The following RGS6 variants were observed in gnomAD, a reference collection of about 807,000 sequenced individuals.
The protein encoded by RGS6 is regulator of G protein signaling 6, also known as regulator of G-protein signaling 6.
RGS6 carries 30 observed loss-of-function variants against 78.5 expected under a neutral mutation model. That is an observed-to-expected ratio of 0.38 (90% CI 0.29 to 0.52). The LOEUF (loss-of-function observed/expected upper bound fraction) is 0.52, where lower values mean the gene tolerates loss of function less well. Among genes scored for constraint, RGS6 ranks in the 20% least tolerant of loss-of-function variants. The pLI is 0.85. For synonymous variants in RGS6, 206 were observed against 206.0 expected (o/e 1.00, Z 0.00); for missense variants, 495 against 609.7 (o/e 0.81, Z 1.98).
At chr14:72,504,219 T>C (rs2096767006) in intron 13 of RGS6, among the ~76,000 whole-genome samples, 1 of 152,202 alleles carries the variant, frequency 6.6e-6, no homozygotes. Context: ...AAACAGTCAC[T>C]TGGCCACACT....
intron 13 of RGS6, among the ~76,000 whole-genome samples, chr14:72,506,499 C>G (rs2096801619): frequency 6.6e-6 from 1 of 152,118 alleles, no homozygotes; most frequent in Non-Finnish European, 1.5e-5. Flanking sequence ...CAAGTCTTTT[C>G]TTAAACCTTG....
Position 72,562,781 on chromosome 14 carries a change from G to T in RGS6, c.*314G>T, listed in dbSNP as rs2097691600. ...GCTCATTCAGGGGAGAACACGTCGT[G>T]GGGTTCCTGTCACGACTATCACTTG... On this transcript the variant is annotated 3_prime_UTR_variant, in exon 18 of 18. Coordinates refer to ENST00000553525, the MANE Select transcript of RGS6 (RefSeq NM_001204424.2). 1.3e-6 allele frequency: 2 copies of T among 1,516,972 alleles called. No homozygotes were observed. Among genetic ancestry groups the T allele is most frequent in the African/African-American group, 2.7e-5 (2 of 72,738 alleles). 94.0% of individuals were successfully genotyped at this position (1,516,972 alleles called of 1,614,324 possible). A position where few individuals can be genotyped will look rare whatever the true frequency, so the allele number is the denominator to read the frequency against.
At chr14:72,311,251 C>T (rs923595037) in intron 2 of RGS6, among the ~76,000 whole-genome samples, 1 of 152,206 alleles carries the variant, frequency 6.6e-6, no homozygotes, top group Non-Finnish European at 1.5e-5. Context: ...ACTGCTGGTT[C>T]TGCCTGTTTC....
At position 72,482,108 on chromosome 14, in the gene RGS6, C is replaced by A. The variant is rs560602499; in HGVS notation, c.854+3779C>A. On this transcript the variant is annotated intron_variant, in intron 12 of 17. Transcript: ENST00000553525. ...TACAGGCATGAGCCACCGCTCCCGGCCTATTTTAACTATTTTTTAATGGCA... is the reference window on the plus strand; with the variant it reads ...TACAGGCATGAGCCACCGCTCCCGGACTATTTTAACTATTTTTTAATGGCA... 2.6e-3 allele frequency among the ~76,000 whole-genome samples: 402 copies of A among 152,236 alleles called. 1 individual carries two copies. Among genetic ancestry groups the A allele is most frequent in the African/African-American group, 9.3e-3 (388 of 41,538 alleles).
intron 17 of RGS6, among the ~76,000 whole-genome samples, chr14:72,544,116 G>A (rs2097361453): frequency 6.6e-6 from 1 of 152,194 alleles, no homozygotes; most frequent in African/African-American, 2.4e-5. Context: ...AGAGGGCCTG[G>A]CTCTGACATA....
intron 2 of RGS6, among the ~76,000 whole-genome samples, chr14:72,077,899 G>A (rs527495439): frequency 6.6e-6 from 1 of 152,288 alleles, no homozygotes; most frequent in South Asian, 2.1e-4. Context: ...TACAGGAATT[G>A]TCTGTCTTTA....
chr14:71,886,811 A>G, the RGS6 span, among the ~76,000 whole-genome samples: 2 of 152,212 alleles, frequency 1.3e-5, no homozygotes, highest in Non-Finnish European at 2.9e-5. Flanking sequence ...CTCTTCCTGC[A>G]TATATTAATA....
Position 72,261,673 on chromosome 14 carries a change from A to G in RGS6, c.85-90422A>G, listed in dbSNP as rs961707427. Among the ~76,000 whole-genome samples the G allele has an allele frequency of 5.9e-5, 9 of 152,302 alleles. No individual in the cohort carries two copies. The East Asian group carries it at 1.4e-3, about 23-fold the overall frequency. ...ACGATACAGAGACATTGAGATTCCA[A>G]TATGAATCTCTCCACAGAAGGAGGC... On this transcript the variant is annotated intron_variant, in intron 2 of 17. Coordinates refer to ENST00000553525, the MANE Select transcript of RGS6 (RefSeq NM_001204424.2).
intron 2 of RGS6, among the ~76,000 whole-genome samples, chr14:72,095,991 G>A (rs781777399): frequency 3.3e-5 from 5 of 152,168 alleles, no homozygotes; most frequent in African/African-American, 7.2e-5. Flanking sequence ...GAGGAGGGCC[G>A]GGTGCAGTGG....
At chr14:72,102,406 T>C (rs1224977126) in intron 2 of RGS6, among the ~76,000 whole-genome samples, 4 of 152,188 alleles carry the variant, frequency 2.6e-5, no homozygotes, top group South Asian at 2.1e-4. Context: ...AACTTAAGAA[T>C]TGGAAAAGAA....
the RGS6 span, among the ~76,000 whole-genome samples, chr14:71,873,783 A>G: frequency 2.8e-4 from 42 of 152,190 alleles, no homozygotes; most frequent in African/African-American, 9.4e-4. Flanking sequence ...AGGTCTGACA[A>G]TTAAGTCTTT....
At chr14:72,478,207 G>T in intron 11 of RGS6, 61 bp from the exon 12 acceptor site, 1 of 1,272,818 alleles carries the variant, frequency 7.9e-7, no homozygotes, top group Non-Finnish European at 1.1e-6. Flanking sequence ...TGGGTTTGTG[G>T]AGCGAGGGGA....
In RGS6 at chr14:72,327,781, C is replaced by T. The variant is rs184864665; in HGVS notation, c.85-24314C>T. On this transcript the variant is annotated intron_variant, in intron 2 of 17. Coordinates refer to ENST00000553525, the MANE Select transcript of RGS6 (RefSeq NM_001204424.2). Reference sequence around the variant, plus strand: ...GTTTGTCACTGGAGATGTTTTATGACTTCTGCAGGCTTCCACAGTATCACT... The same window carrying T: ...GTTTGTCACTGGAGATGTTTTATGATTTCTGCAGGCTTCCACAGTATCACT... 1.3e-3 allele frequency among the ~76,000 whole-genome samples: 195 copies of T among 152,346 alleles called. 1 individual carries two copies. Among genetic ancestry groups the T allele is most frequent in the African/African-American group, 4.2e-3 (176 of 41,586 alleles).
At chr14:72,285,977 GTTGA>G (rs2062470910) in intron 2 of RGS6, among the ~76,000 whole-genome samples, 1 of 152,128 alleles carries the variant, frequency 6.6e-6, no homozygotes, top group African/African-American at 2.4e-5. Flanking sequence ...TTTTCACTCT[GTTGA>G]TTGTTTCCTT....
intron 13 of RGS6, among the ~76,000 whole-genome samples, chr14:72,504,874 C>T (rs759027592): frequency 2.0e-5 from 3 of 151,320 alleles, no homozygotes; most frequent in African/African-American, 7.3e-5. Flanking sequence ...CTTCCTGAGC[C>T]TCCTGAGTAG....
At chr14:71,997,057 C>T (rs750603524) in intron 2 of RGS6, among the ~76,000 whole-genome samples, 4 of 150,390 alleles carry the variant, frequency 2.7e-5, no homozygotes, top group Admixed American at 6.7e-5. Flanking sequence ...AGAGGCCATT[C>T]GATGGCTATT....
chr14:72,253,932 C>T (rs552381857), intron 2 of RGS6, among the ~76,000 whole-genome samples: 2 of 152,330 alleles, frequency 1.3e-5, no homozygotes, highest in South Asian at 2.1e-4. Context: ...GGGGCACCAC[C>T]TCTGCTCACT....
chr14:71,909,436 T>A, the RGS6 span, among the ~76,000 whole-genome samples: 3 of 152,066 alleles, frequency 2.0e-5, no homozygotes, highest in African/African-American at 7.3e-5. Context: ...GCTCTATGTG[T>A]GTATGTGTGA....
chr14:72,121,451 A>G (rs1288411451), intron 2 of RGS6, among the ~76,000 whole-genome samples: 2 of 152,160 alleles, frequency 1.3e-5, no homozygotes, highest in Non-Finnish European at 2.9e-5. Flanking sequence ...AACTGCCCAC[A>G]CACACTTGTT....
Sources: gnomAD v4.1 joint callset for allele counts (sites outside exome capture counted in the v4.1 genomes callset) on GRCh38, gnomAD v4.1.1 for gene constraint, MANE v1.5 for transcripts, NCBI Gene and HGNC (gene_info 2026-07-23, HGNC 2026-07-21) for gene names.